MAGI2: variants seen among roughly 807,000 people sequenced by gnomAD.
The protein encoded by MAGI2 is membrane-associated guanylate kinase, WW and PDZ domain-containing protein 2.
A neutral mutation model predicts 133.3 loss-of-function variants in MAGI2; 35 were observed. That is an observed-to-expected ratio of 0.26 (90% CI 0.20 to 0.35). The LOEUF is 0.35. Ranked by LOEUF, MAGI2 falls within the 10% of genes least tolerant of loss-of-function variation. The pLI is 1.00. For synonymous variants in MAGI2, 729 were observed against 710.6 expected, an observed-to-expected ratio of 1.03 and a Z score of -0.41; for missense variants, 1,636 against 1,863.4, an observed-to-expected ratio of 0.88 and a Z score of 2.25.
chr7:79,289,658 G>A (rs1402981068), intron 1 of MAGI2, among the ~76,000 whole-genome samples: 1 of 152,034 alleles, frequency 6.6e-6, no homozygotes, highest in Non-Finnish European at 1.5e-5. Context: ...TGAATCTCTT[G>A]GATTCAGTTA....
chr7:78,216,400 A>T (rs1218574238), intron 10 of MAGI2, among the ~76,000 whole-genome samples: 1 of 152,200 alleles, frequency 6.6e-6, no homozygotes, highest in East Asian at 1.9e-4. Context: ...AAATCTGATC[A>T]TGTCACTCAT....
In MAGI2 at chr7:78,604,041, A is replaced by G. The variant is rs111861474; in HGVS notation, c.538+23079T>C. Among the ~76,000 whole-genome samples, 4 of 151,710 alleles carry G rather than the reference A, an allele frequency of 2.6e-5. No homozygotes were observed. The East Asian group carries it at 7.8e-4, about 29-fold the overall frequency. On this transcript the variant is annotated intron_variant, in intron 3 of 21. Coordinates refer to ENST00000354212, the MANE Select transcript of MAGI2 (RefSeq NM_012301.4). ...ATAAAATCAAACATACAATGACAAAATTAAGATATGTAGATATTCTGATGA... is the reference window on the plus strand; with the variant it reads ...ATAAAATCAAACATACAATGACAAAGTTAAGATATGTAGATATTCTGATGA...
chr7:79,429,514 A>C (rs147577477), intron 1 of MAGI2, among the ~76,000 whole-genome samples: 2,135 of 152,220 alleles, frequency 0.014, 47 homozygotes, highest in African/African-American at 0.048. Flanking sequence ...CATGTTGGCC[A>C]GGCTGGTCTC....
intron 1 of MAGI2, among the ~76,000 whole-genome samples, chr7:79,187,363 T>A (rs1267020609): frequency 6.6e-6 from 1 of 151,750 alleles, no homozygotes; most frequent in Non-Finnish European, 1.5e-5. Context: ...TAAAACTATC[T>A]CAGGTAGAAC....
chr7:79,315,325 ATTTTTTTTT>A (rs775143230), intron 1 of MAGI2, among the ~76,000 whole-genome samples: 3 of 92,496 alleles, frequency 3.2e-5, no homozygotes, highest in African/African-American at 6.5e-5. Context: ...TGCCCAGTTA[ATTTTTTTTT>A]TTTTTTTTTT....
chr7:79,364,132 G>A (rs368323022), intron 1 of MAGI2, among the ~76,000 whole-genome samples: 8 of 151,984 alleles, frequency 5.3e-5, no homozygotes, highest in South Asian at 2.1e-4. Flanking sequence ...CTTGCATATC[G>A]TTTGTAGGAA....
At chr7:79,262,128 G>A (rs2129556489) in intron 1 of MAGI2, among the ~76,000 whole-genome samples, 1 of 152,216 alleles carries the variant, frequency 6.6e-6, no homozygotes, top group East Asian at 1.9e-4. Context: ...ATACCTGTCT[G>A]TAAACCAGAT....
rs181862544 is a variant in MAGI2 at position 79,034,944 on chromosome 7, T to C, written c.302-27738A>G. Among the ~76,000 whole-genome samples, 3 of 152,332 alleles carry C rather than the reference T, an allele frequency of 2.0e-5. No individual in the cohort carries two copies. The East Asian group carries it at 5.8e-4, about 29-fold the overall frequency. ...AACGAATTAGGGCTTTGAGTTGCTG[T>C]CTAGAGCAGACTGGCAATTTGACTG... On this transcript the variant is annotated intron_variant, in intron 1 of 21. Coordinates refer to ENST00000354212, the MANE Select transcript of MAGI2 (RefSeq NM_012301.4).
At chr7:78,835,933 A>G (rs1390640358) in intron 2 of MAGI2, among the ~76,000 whole-genome samples, 3 of 152,228 alleles carry the variant, frequency 2.0e-5, no homozygotes, top group Non-Finnish European at 4.4e-5. Context: ...TCTACTGTAT[A>G]ATAGACTTCC....
intron 10 of MAGI2, chr7:78,255,172 C>T (rs1432849633): frequency 6.6e-6 from 1 of 152,470 alleles, no homozygotes; most frequent in East Asian, 1.9e-4. Context: ...GGGCCCTGTG[C>T]TTTACCCCAT....
At chr7:78,816,848 A>G (rs1789627286) in intron 2 of MAGI2, among the ~76,000 whole-genome samples, 2 of 152,244 alleles carry the variant, frequency 1.3e-5, no homozygotes, top group African/African-American at 4.8e-5. Flanking sequence ...CTGCCAAGAC[A>G]ATATCCATTC....
intron 2 of MAGI2, among the ~76,000 whole-genome samples, chr7:78,791,842 G>A (rs1427101363): frequency 6.6e-6 from 1 of 152,134 alleles, no homozygotes; most frequent in Non-Finnish European, 1.5e-5. Flanking sequence ...GAGCCATTGT[G>A]CCGGGTCAAG....
chr7:78,367,142 AG>A (rs1793464524), intron 7 of MAGI2, among the ~76,000 whole-genome samples: 1 of 119,990 alleles, frequency 8.3e-6, no homozygotes, highest in Non-Finnish European at 1.8e-5. Context: ...TGAAGTACAA[AG>A]ATAAGAAAAA....
intron 1 of MAGI2, among the ~76,000 whole-genome samples, chr7:79,446,182 G>T (rs1364391362): frequency 6.6e-6 from 1 of 152,132 alleles, no homozygotes; most frequent in East Asian, 1.9e-4. Context: ...GGGAGGAGGG[G>T]GGAGGGATAG....
chr7:78,426,473 G>A (rs984726726), intron 6 of MAGI2, among the ~76,000 whole-genome samples: 5 of 152,044 alleles, frequency 3.3e-5, no homozygotes, highest in African/African-American at 7.2e-5. Flanking sequence ...GGGGGAGCGC[G>A]GAGGGATAGC....
intron 1 of MAGI2, among the ~76,000 whole-genome samples, chr7:79,422,258 T>C (rs1262638325): frequency 6.6e-6 from 1 of 152,026 alleles, no homozygotes; most frequent in Non-Finnish European, 1.5e-5. Flanking sequence ...AATTAGCTCT[T>C]TCCTGTCTTT....
chr7:78,267,639 G>A (rs780986998), intron 9 of MAGI2, among the ~76,000 whole-genome samples: 3 of 152,118 alleles, frequency 2.0e-5, no homozygotes, highest in African/African-American at 7.2e-5. Flanking sequence ...TCCAGAGAAA[G>A]ATAGTTATTA....
rs546731841 is a variant in MAGI2 at position 78,495,196 on chromosome 7, G to C, written c.966-5356C>G. ...GTTGCATAGGTATACACATGCCATGGTGGTTTGCTGCACCCACCAACCTGT... is the reference window on the plus strand; with the variant it reads ...GTTGCATAGGTATACACATGCCATGCTGGTTTGCTGCACCCACCAACCTGT... On this transcript the variant is annotated intron_variant, in intron 5 of 21. Coordinates refer to ENST00000354212, the MANE Select transcript of MAGI2 (RefSeq NM_012301.4). Among the ~76,000 whole-genome samples, 3 of 152,186 alleles carry C rather than the reference G, an allele frequency of 2.0e-5. No homozygotes were observed. In the East Asian group the frequency reaches 5.8e-4, roughly 29 times the overall value.
intron 6 of MAGI2, among the ~76,000 whole-genome samples, chr7:78,397,681 A>T (rs1469034014): frequency 6.6e-6 from 1 of 152,140 alleles, no homozygotes. Flanking sequence ...TTTTATGAAC[A>T]TTTACAGACT....
Sources: gnomAD v4.1 joint callset for allele counts (sites outside exome capture counted in the v4.1 genomes callset) on GRCh38, gnomAD v4.1.1 for gene constraint, MANE v1.5 for transcripts, NCBI Gene and HGNC (gene_info 2026-07-23, HGNC 2026-07-21) for gene names.